Variants in MAD1L1 observed in about 807,000 individuals in gnomAD.
MAD1L1 encodes mitotic arrest deficient 1 like 1, also known as mitotic spindle assembly checkpoint protein MAD1.
Under a neutral mutation model 96.9 loss-of-function variants are expected in MAD1L1, and 95 were observed. The observed-to-expected ratio is 0.98, with a 90% CI of 0.83 to 1.16. The LOEUF (loss-of-function observed/expected upper bound fraction) is 1.16, where lower values mean the gene tolerates loss of function less well. Among genes scored for constraint, MAD1L1 ranks in the 50% most tolerant of loss-of-function variants. The probability of loss-of-function intolerance (pLI) is 0.00; values close to 1 mark genes in which losing one functional copy is unlikely to be tolerated. For missense variants in MAD1L1, 1,007 were observed against 954.4 expected, an observed-to-expected ratio of 1.06 and a Z score of -0.73; for synonymous variants, 473 against 396.6, an observed-to-expected ratio of 1.19 and a Z score of -2.29.
chr7:1,860,335 C>T (rs560524444), intron 18 of MAD1L1, among the ~76,000 whole-genome samples: 1 of 102,812 alleles, frequency 9.7e-6, no homozygotes, highest in African/African-American at 2.8e-5. Flanking sequence ...CTCTGTCTCC[C>T]TAGATGTGAC....
chr7:1,887,913 G>A (rs1366968079), intron 18 of MAD1L1, among the ~76,000 whole-genome samples: 2 of 144,568 alleles, frequency 1.4e-5, no homozygotes, highest in South Asian at 2.3e-4. Flanking sequence ...GTGTGTGCAT[G>A]CATGGCTGCG....
chr7:2,049,731 A>G (rs1784082583), intron 12 of MAD1L1, among the ~76,000 whole-genome samples: 1 of 152,224 alleles, frequency 6.6e-6, no homozygotes, highest in African/African-American at 2.4e-5. Context: ...CAGGAGGACT[A>G]TCGAGCACTG....
At chr7:2,060,702 C>T (rs889181798) in intron 12 of MAD1L1, among the ~76,000 whole-genome samples, 9 of 152,220 alleles carry the variant, frequency 5.9e-5, no homozygotes, top group African/African-American at 1.7e-4. Context: ...GCCATGGCAG[C>T]GCCACGCGTG....
chr7:1,840,218 C>A (rs1455441976), intron 18 of MAD1L1, among the ~76,000 whole-genome samples: 1 of 152,226 alleles, frequency 6.6e-6, no homozygotes, highest in African/African-American at 2.4e-5. Flanking sequence ...TGCCCTGGAG[C>A]CGGTGAGCGT....
chr7:2,213,250 G>C lies in MAD1L1; in HGVS notation c.948C>G (p.Ser316Arg), dbSNP rs1319243641. Residue 316 changes from serine to arginine, a missense_variant, in exon 10 of 19, where the codon AGC becomes AGG. Coordinates refer to ENST00000265854, the MANE Select transcript of MAD1L1 (RefSeq NM_001013836.2). ...ENERLLAKLQ[S>R]WERLDQTMGL... ...CCATGGTCTGGTCCAGTCTCTCCCA[G>C]CTTTGCAGCTTGGCCAGCAGCCTCT... The C allele has an allele frequency of 6.2e-7, 1 of 1,614,148 alleles. No homozygotes were observed. The highest frequency in any genetic ancestry group is 8.5e-7 in the Non-Finnish European group (1 of 1,180,008).
intron 17 of MAD1L1, among the ~76,000 whole-genome samples, 196 bp downstream of exon 17, chr7:1,936,491 C>A (rs1304735452): frequency 6.6e-6 from 1 of 152,228 alleles, no homozygotes; most frequent in African/African-American, 2.4e-5. Flanking sequence ...CACCTGTTTG[C>A]ACAACCCCAC....
At chr7:1,853,635 G>A (rs1457863640) in intron 18 of MAD1L1, among the ~76,000 whole-genome samples, 1 of 152,058 alleles carries the variant, frequency 6.6e-6, no homozygotes, top group African/African-American at 2.4e-5. Flanking sequence ...TGTCCCCGCC[G>A]CCCTGCACAC....
chr7:2,069,461 C>G lies in MAD1L1; in HGVS notation c.1074-123G>C. ...AAAATAGAGCTGCACGTGCAACCCC[C>G]TCACTGCCATTTCCGCACTGCTGAA... On this transcript the variant is annotated intron_variant, in intron 11 of 18. Transcript: ENST00000265854. The G allele has an allele frequency of 4.3e-6, 4 of 926,150 alleles. 1 individual carries two copies. The South Asian group carries it at 7.8e-5, about 18-fold the overall frequency. 57.4% of individuals were successfully genotyped at this position (926,150 alleles called of 1,614,324 possible).
chr7:2,064,819 TTCTCCCAGGA>T (rs1784811136), intron 12 of MAD1L1, among the ~76,000 whole-genome samples: 1 of 151,326 alleles, frequency 6.6e-6, no homozygotes. Context: ...GGACAGCGGC[TTCTCCCAGGA>T]CAGCGGCTTC....
At chr7:1,948,491 G>A (rs1424128241) in intron 16 of MAD1L1, among the ~76,000 whole-genome samples, 1 of 152,212 alleles carries the variant, frequency 6.6e-6, no homozygotes. Context: ...CTGGCACCCA[G>A]GAGACGGCGC....
chr7:2,199,785 G>C (rs1458095863), intron 10 of MAD1L1, among the ~76,000 whole-genome samples: 1 of 152,216 alleles, frequency 6.6e-6, no homozygotes, highest in Non-Finnish European at 1.5e-5. Flanking sequence ...CTGCAGCCCA[G>C]ACTCCGCGGT....
chr7:1,945,329 T>C (rs1779179759), intron 16 of MAD1L1, among the ~76,000 whole-genome samples: 1 of 152,226 alleles, frequency 6.6e-6, no homozygotes, highest in Non-Finnish European at 1.5e-5. Flanking sequence ...ACAGGCTCCA[T>C]GTGGAAGATG....
intron 14 of MAD1L1, among the ~76,000 whole-genome samples, chr7:1,997,544 C>T (rs1781610789): frequency 6.6e-6 from 1 of 152,284 alleles, no homozygotes; most frequent in African/African-American, 2.4e-5. Flanking sequence ...GCTCAGGTTC[C>T]TCCACCATAA....
At chr7:2,220,935 G>C in intron 5 of MAD1L1, 5 of 1,612,366 alleles carry the variant, frequency 3.1e-6, no homozygotes, top group Non-Finnish European at 3.4e-6. Flanking sequence ...TGCCCACAGG[G>C]TCACCCGTGT....
intron 11 of MAD1L1, among the ~76,000 whole-genome samples, chr7:2,112,081 G>T (rs575946098): frequency 6.6e-6 from 1 of 152,116 alleles, no homozygotes; most frequent in Non-Finnish European, 1.5e-5. Flanking sequence ...GAAAAGCAGC[G>T]CTGCGATTCA....
chr7:2,029,000 T>C (rs1783103976), intron 12 of MAD1L1, among the ~76,000 whole-genome samples: 1 of 151,032 alleles, frequency 6.6e-6, no homozygotes, highest in African/African-American at 2.4e-5. Flanking sequence ...TGGAACAACC[T>C]GGAGGGTGGC....
intron 17 of MAD1L1, among the ~76,000 whole-genome samples, chr7:1,929,446 G>A (rs1011854181): frequency 2.0e-5 from 3 of 152,170 alleles, no homozygotes; most frequent in African/African-American, 2.4e-5. Flanking sequence ...ACGGGAGGCC[G>A]GGCTTTGGGG....
At chr7:1,938,999 GCA>G (rs66527139) in intron 16 of MAD1L1, among the ~76,000 whole-genome samples, 2,771 of 48,448 alleles carry the variant, frequency 0.057, 45 homozygotes, top group Non-Finnish European at 0.076. Flanking sequence ...GCACACACAC[GCA>G]CACACACACA....
rs144560480 is a variant in MAD1L1 at position 2,041,216 on chromosome 7, C to T, written c.1219-26574G>A. Among the ~76,000 whole-genome samples, 13 of 152,324 alleles carry T rather than the reference C, an allele frequency of 8.5e-5. No individual in the cohort carries two copies. In the East Asian group the frequency reaches 2.5e-3, roughly 29 times the overall value. ...CCTCCCCTTCCTAGCACAGTTACTTCAGAAAATCCGAGCTGACAACTGTGA... is the reference window on the plus strand; with the variant it reads ...CCTCCCCTTCCTAGCACAGTTACTTTAGAAAATCCGAGCTGACAACTGTGA... On this transcript the variant is annotated intron_variant, in intron 12 of 18. Transcript: ENST00000265854.
Sources: gnomAD v4.1 joint callset for allele counts (sites outside exome capture counted in the v4.1 genomes callset) on GRCh38, gnomAD v4.1.1 for gene constraint, MANE v1.5 for transcripts, NCBI Gene and HGNC (gene_info 2026-07-23, HGNC 2026-07-21) for gene names.